Variants in BLTP1 observed in about 807,000 individuals in gnomAD.
The protein encoded by BLTP1 is fragile site-associated protein.
the BLTP1 span, chr4:122,318,298 G>A: frequency 6.3e-7 from 1 of 1,595,622 alleles, no homozygotes. Context: ...TTTCAATGCT[G>A]GTGACAAAAC....
the BLTP1 span, chr4:122,196,659 T>C: frequency 6.2e-7 from 1 of 1,608,836 alleles, no homozygotes; most frequent in Non-Finnish European, 8.5e-7. Flanking sequence ...AGTTTTTCTT[T>C]CCACCTGACT....
chr4:122,276,303 T>C, the BLTP1 span: 1 of 416,420 alleles, frequency 2.4e-6, no homozygotes, highest in East Asian at 8.4e-5. Context: ...CTATTAAAAT[T>C]TCTATGATCA....
chr4:122,264,437 C>T, the BLTP1 span: 2 of 1,585,476 alleles, frequency 1.3e-6, no homozygotes, highest in Non-Finnish European at 1.7e-6. Flanking sequence ...GGTGAGCCAG[C>T]CTGCTTTTTC....
the BLTP1 span, chr4:122,199,495 A>G: frequency 3.0e-5 from 44 of 1,458,252 alleles, no homozygotes; most frequent in South Asian, 4.5e-4. Flanking sequence ...TATGAAAAAC[A>G]ATTGATTTTA....
chr4:122,273,566 G>C, the BLTP1 span: 1 of 393,126 alleles, frequency 2.5e-6, no homozygotes, highest in African/African-American at 2.2e-5. Context: ...GTGAGAATTA[G>C]AGAAATGGAC....
At chr4:122,223,432 TG>T in the BLTP1 span, among the ~76,000 whole-genome samples, 1 of 152,224 alleles carries the variant, frequency 6.6e-6, no homozygotes, top group Non-Finnish European at 1.5e-5. Context: ...TGAAGAAATC[TG>T]TCTAATCAGC....
chr4:122,239,003 CTGCT>C, the BLTP1 span, among the ~76,000 whole-genome samples: 55 of 152,192 alleles, frequency 3.6e-4, 1 homozygote, highest in East Asian at 9.9e-3. Context: ...CTTGATGTAT[CTGCT>C]TGGATGTTTC....
At chr4:122,305,552 A>G in the BLTP1 span, 6 of 984,916 alleles carry the variant, frequency 6.1e-6, no homozygotes, top group Non-Finnish European at 7.2e-6. Flanking sequence ...TAAAGATACG[A>G]GGAAAAAATG....
chr4:122,224,543 T>C, the BLTP1 span: 7 of 1,614,002 alleles, frequency 4.3e-6, no homozygotes, highest in Non-Finnish European at 5.9e-6. Flanking sequence ...TCACATCAAT[T>C]TGTCAGGTCT....
At chr4:122,154,207 G>C in the BLTP1 span, 14 of 719,964 alleles carry the variant, frequency 1.9e-5, no homozygotes, top group African/African-American at 5.2e-5. Flanking sequence ...ACGGAGTCTC[G>C]CTCTGTTGCC....
the BLTP1 span, chr4:122,240,296 A>G: frequency 6.2e-7 from 1 of 1,614,130 alleles, no homozygotes; most frequent in Non-Finnish European, 8.5e-7. Flanking sequence ...ATCTGGATAC[A>G]CCAACCAGTG....
chr4:122,333,587 G>A, the BLTP1 span: 2 of 1,536,124 alleles, frequency 1.3e-6, no homozygotes, highest in Non-Finnish European at 1.7e-6. Flanking sequence ...AAAGATAAAT[G>A]TGTCATTTTT....
At chr4:122,173,250 C>A in the BLTP1 span, 1 of 1,288,226 alleles carries the variant, frequency 7.8e-7, no homozygotes, top group Non-Finnish European at 1.1e-6. Flanking sequence ...GAGACTAGGT[C>A]ATTTATAAAG....
the BLTP1 span, chr4:122,162,570 G>T: frequency 3.0e-6 from 3 of 985,354 alleles, no homozygotes; most frequent in Non-Finnish European, 3.6e-6. Flanking sequence ...GGAGTTGGGG[G>T]ATTTGGGTCA....
chr4:122,254,239 G>C, the BLTP1 span: 2 of 1,612,640 alleles, frequency 1.2e-6, no homozygotes, highest in Non-Finnish European at 1.7e-6. Context: ...ATCTACCTCT[G>C]ATGCCTCCTC....
chr4:122,316,496 C>G, the BLTP1 span: 1 of 520,432 alleles, frequency 1.9e-6, no homozygotes, highest in South Asian at 1.5e-5. Flanking sequence ...TGGGGCTCCC[C>G]TCAGTCTAGC....
the BLTP1 span, among the ~76,000 whole-genome samples, chr4:122,284,780 G>A: frequency 6.6e-6 from 1 of 152,124 alleles, no homozygotes; most frequent in Non-Finnish European, 1.5e-5. Context: ...CTCTTGTTGT[G>A]CCTGATTTAT....
At chr4:122,323,768 G>A in the BLTP1 span, among the ~76,000 whole-genome samples, 1 of 151,994 alleles carries the variant, frequency 6.6e-6, no homozygotes, top group Non-Finnish European at 1.5e-5. Context: ...CCTGTTACAA[G>A]TCATATTTGG....
chr4:122,185,267 G>A, the BLTP1 span: 142 of 976,680 alleles, frequency 1.5e-4, no homozygotes, highest in Admixed American at 1.8e-4. Flanking sequence ...TTAAATATCC[G>A]TAAATGTTTG....
Sources: allele counts gnomAD v4.1 joint callset (sites outside exome capture counted in the v4.1 genomes callset), GRCh38; gene constraint gnomAD v4.1.1; transcripts MANE v1.5; gene names NCBI Gene and HGNC (gene_info 2026-07-23, HGNC 2026-07-21).